Variants in SGCZ observed in about 807,000 individuals in gnomAD.
SGCZ encodes the protein zeta-sarcoglycan.
Under a neutral mutation model 41.3 loss-of-function variants are expected in SGCZ, and 40 were observed. The ratio of observed to expected loss-of-function variants is 0.97; its 90% CI spans 0.75 to 1.26. The LOEUF (loss-of-function observed/expected upper bound fraction) is 1.26, where lower values mean the gene tolerates loss of function less well. Among genes scored for constraint, SGCZ ranks in the 50% most tolerant of loss-of-function variants. SGCZ has a pLI of 0.00. For missense variants in SGCZ, 552 were observed against 369.8 expected, an observed-to-expected ratio of 1.49 and a Z score of -4.04; for synonymous variants, 206 against 137.5, an observed-to-expected ratio of 1.50 and a Z score of -3.49.
At chr8:14,917,850 G>C (rs890555380) in intron 1 of SGCZ, among the ~76,000 whole-genome samples, 9 of 152,216 alleles carry the variant, frequency 5.9e-5, no homozygotes, top group Admixed American at 5.2e-4. Context: ...TAGGAGGTTA[G>C]TATAAGATAT....
chr8:14,948,534 C>G (rs1035778927), intron 1 of SGCZ, among the ~76,000 whole-genome samples: 2 of 152,020 alleles, frequency 1.3e-5, no homozygotes, highest in East Asian at 3.9e-4. Flanking sequence ...CCCTTCTTCC[C>G]TTCTCAATAA....
chr8:15,172,552 T>G (rs1799876280), intron 1 of SGCZ, among the ~76,000 whole-genome samples: 1 of 152,194 alleles, frequency 6.6e-6, no homozygotes, highest in Admixed American at 6.5e-5. Context: ...AGTCTCAGAA[T>G]ATTTATAAAA....
intron 1 of SGCZ, among the ~76,000 whole-genome samples, chr8:15,154,436 T>C (rs957696204): frequency 6.6e-6 from 1 of 152,044 alleles, no homozygotes; most frequent in Non-Finnish European, 1.5e-5. Context: ...CCAAGACTCT[T>C]ATGAAGGGCT....
intron 4 of SGCZ, among the ~76,000 whole-genome samples, chr8:14,185,881 T>C (rs1804887382): frequency 6.6e-6 from 1 of 152,228 alleles, no homozygotes; most frequent in Admixed American, 6.5e-5. Flanking sequence ...TTTAGGTTCA[T>C]GGCTTTAAAT....
At chr8:14,281,007 C>A (rs1303246213) in intron 3 of SGCZ, among the ~76,000 whole-genome samples, 1 of 151,764 alleles carries the variant, frequency 6.6e-6, no homozygotes. Context: ...TCAGATCAGA[C>A]AAATTTATTT....
chr8:14,789,791 T>G (rs1384472911), intron 1 of SGCZ, among the ~76,000 whole-genome samples: 1 of 152,128 alleles, frequency 6.6e-6, no homozygotes, highest in Non-Finnish European at 1.5e-5. Context: ...ATTTTTGTAC[T>G]CTCAGTACAA....
chr8:14,111,302 A>G (rs1382150), intron 5 of SGCZ, among the ~76,000 whole-genome samples: 142,520 of 152,208 alleles, frequency 0.94, 66,835 homozygotes, highest in East Asian at 1. Flanking sequence ...AATTAGTAAG[A>G]CATCATATAC....
intron 7 of SGCZ, among the ~76,000 whole-genome samples, chr8:14,093,969 T>C (rs765662058): frequency 1.3e-5 from 2 of 152,002 alleles, no homozygotes; most frequent in African/African-American, 2.4e-5. Context: ...TTCATCCATA[T>C]AGAATAGGGC....
At chr8:14,690,397 A>G (rs1430903342) in intron 1 of SGCZ, 1 of 152,084 alleles carries the variant, frequency 6.6e-6, no homozygotes, top group Admixed American at 6.6e-5. Flanking sequence ...GCTGAGTTTG[A>G]AAAAGCTGCT....
chr8:14,680,311 C>T (rs766032383), intron 1 of SGCZ, among the ~76,000 whole-genome samples: 2 of 152,066 alleles, frequency 1.3e-5, no homozygotes, highest in African/African-American at 4.8e-5. Flanking sequence ...ACCCATAGAA[C>T]ATACAACACC....
chr8:14,939,250 G>C (rs1449495200), intron 1 of SGCZ, among the ~76,000 whole-genome samples: 1 of 152,046 alleles, frequency 6.6e-6, no homozygotes. Flanking sequence ...GGGTACCTTT[G>C]TCAGCAGCTG....
intron 2 of SGCZ, among the ~76,000 whole-genome samples, chr8:14,531,663 A>G (rs1051956289): frequency 1.3e-5 from 2 of 152,068 alleles, no homozygotes; most frequent in African/African-American, 2.4e-5. Context: ...GTAACTTGAT[A>G]TATGTCACTT....
Position 14,237,627 on chromosome 8 carries a change from T to C in SGCZ, c.389A>G (p.Asn130Ser). The C allele has an allele frequency of 6.2e-7, 1 of 1,614,004 alleles. No individual in the cohort carries two copies. The highest frequency in any genetic ancestry group is 8.5e-7 in the Non-Finnish European group (1 of 1,179,878). Residue 130 changes from asparagine to serine, a missense_variant, in exon 4 of 8, where the codon AAT becomes AGT. Physicochemically the swap from Asn to Ser is conservative, Grantham distance 46 (BLOSUM62 1). Transcript: ENST00000382080. Reference protein sequence around the residue: ...SDRNVTVNARNHMGQLTGQLT... With the variant: ...SDRNVTVNARSHMGQLTGQLT... ...CTGTCCGGTTAACTGCCCCATGTGA[T>C]TTCTTGCATTCACTGTGACATTCCT...
rs951824862 is a variant in SGCZ, at chr8:14,492,603, T to C, written c.234+62129A>G. 6.6e-5 allele frequency among the ~76,000 whole-genome samples: 10 copies of C among 152,196 alleles called. No homozygotes were observed. In the East Asian group the frequency reaches 7.7e-4, roughly 12 times the overall value. On this transcript the variant is annotated intron_variant, in intron 2 of 7. Transcript: ENST00000382080. ...TTTTCCACTCAAATATTCTAGTCTCTATCTGCTCAAATTTCTCACTAACTT... is the reference window on the plus strand; with the variant it reads ...TTTTCCACTCAAATATTCTAGTCTCCATCTGCTCAAATTTCTCACTAACTT...
At chr8:14,672,755 A>G (rs1033515317) in intron 1 of SGCZ, among the ~76,000 whole-genome samples, 1 of 152,084 alleles carries the variant, frequency 6.6e-6, no homozygotes, top group African/African-American at 2.4e-5. Flanking sequence ...CTTTAACACT[A>G]CCTTTACTTC....
intron 3 of SGCZ, among the ~76,000 whole-genome samples, chr8:14,300,148 G>C (rs1031643105): frequency 6.6e-6 from 1 of 151,908 alleles, no homozygotes; most frequent in Non-Finnish European, 1.5e-5. Context: ...TGAATTACAA[G>C]GATGTATAGT....
chr8:14,932,402 C>T (rs943095826), intron 1 of SGCZ, among the ~76,000 whole-genome samples: 6 of 151,962 alleles, frequency 3.9e-5, no homozygotes, highest in South Asian at 2.1e-4. Flanking sequence ...ATGTCTCTTT[C>T]ATCATGATGT....
intron 2 of SGCZ, among the ~76,000 whole-genome samples, chr8:14,521,985 A>C (rs191116771): frequency 6.6e-6 from 1 of 152,196 alleles, no homozygotes. Context: ...AGAAATTTTA[A>C]AATGTTTTTT....
chr8:15,039,583 C>G (rs1804001043), intron 1 of SGCZ, among the ~76,000 whole-genome samples: 1 of 152,182 alleles, frequency 6.6e-6, no homozygotes, highest in African/African-American at 2.4e-5. Context: ...CAATGTACTA[C>G]AGTCAGTCAA....
Sources: gnomAD v4.1 joint callset for allele counts (sites outside exome capture counted in the v4.1 genomes callset) on GRCh38, gnomAD v4.1.1 for gene constraint, MANE v1.5 for transcripts, NCBI Gene and HGNC (gene_info 2026-07-23, HGNC 2026-07-21) for gene names.